The following LAMA2 variants were observed in gnomAD, a reference collection of about 807,000 sequenced individuals.
The protein encoded by LAMA2 is laminin subunit alpha-2.
In LAMA2, 269 loss-of-function variants were observed where a neutral mutation model predicts 364.8. That is an observed-to-expected ratio of 0.74 (90% CI 0.67 to 0.82). LAMA2 has a LOEUF of 0.82. LAMA2 is among the 40% of genes least tolerant of loss of function. LAMA2 has a pLI of 0.00. For synonymous variants in LAMA2, 1,379 were observed against 1,370.6 expected (o/e 1.01, Z -0.14); for missense variants, 3,807 against 3,873.2 (o/e 0.98, Z 0.45).
chr6:129,440,086 C>T (rs1782030728), intron 42 of LAMA2, among the ~76,000 whole-genome samples: 1 of 151,958 alleles, frequency 6.6e-6, no homozygotes, highest in Non-Finnish European at 1.5e-5. Context: ...ATACTGAAGG[C>T]CATTGTTAAA....
chr6:129,201,048 C>T (rs992383446), intron 12 of LAMA2, among the ~76,000 whole-genome samples: 5 of 152,106 alleles, frequency 3.3e-5, no homozygotes, highest in Admixed American at 3.3e-4. Flanking sequence ...TCCTTATCTA[C>T]CTTAAACAAC....
chr6:129,133,297 C>G (rs1462258417), intron 4 of LAMA2, among the ~76,000 whole-genome samples: 1 of 152,184 alleles, frequency 6.6e-6, no homozygotes, highest in Non-Finnish European at 1.5e-5. Flanking sequence ...CATGATTTTA[C>G]TTGAATGCGG....
chr6:129,407,338 A>G (rs547673923), intron 40 of LAMA2, among the ~76,000 whole-genome samples: 5 of 152,306 alleles, frequency 3.3e-5, no homozygotes, highest in East Asian at 1.9e-4. Context: ...CCAAATAAAG[A>G]CAATAATAAC....
chr6:129,301,333 G>A (rs1266392663), intron 22 of LAMA2, among the ~76,000 whole-genome samples: 3 of 152,054 alleles, frequency 2.0e-5, no homozygotes, highest in African/African-American at 7.2e-5. Context: ...TTTTCCCATT[G>A]GTAGACCATA....
At chr6:129,109,853 T>C (rs2114897667) in intron 4 of LAMA2, among the ~76,000 whole-genome samples, 1 of 152,220 alleles carries the variant, frequency 6.6e-6, no homozygotes, top group East Asian at 1.9e-4. Flanking sequence ...TAAAATTCTA[T>C]CTGAATTGAA....
Position 128,915,860 on chromosome 6 carries a change from A to G in LAMA2, c.112+32503A>G, listed in dbSNP as rs143764412. Reference sequence around the variant, plus strand: ...GTAGTGAAAACAACCGTGGGGGAATAATATAAGCTTAATCATTTGGTGATT... The same window carrying G: ...GTAGTGAAAACAACCGTGGGGGAATGATATAAGCTTAATCATTTGGTGATT... On this transcript the variant is annotated intron_variant, in intron 1 of 64. Transcript: ENST00000421865. 2.0e-5 allele frequency among the ~76,000 whole-genome samples: 3 copies of G among 152,216 alleles called. No individual in the cohort carries two copies. The South Asian group carries it at 6.2e-4, about 31-fold the overall frequency.
At chr6:129,342,662 TCCC>T (rs1776335144) in intron 30 of LAMA2, among the ~76,000 whole-genome samples, 195 bp downstream of exon 30, 5 of 152,072 alleles carry the variant, frequency 3.3e-5, no homozygotes, top group African/African-American at 1.2e-4. Context: ...TGAAACTCTG[TCCC>T]AAGTAAATAA....
At chr6:129,212,812 T>A (rs1441161116) in intron 12 of LAMA2, among the ~76,000 whole-genome samples, 4 of 152,204 alleles carry the variant, frequency 2.6e-5, no homozygotes, top group African/African-American at 4.8e-5. Flanking sequence ...TGGTCAGCTG[T>A]GGCTTTTAAT....
chr6:129,191,278 C>T (rs901198680), intron 11 of LAMA2, among the ~76,000 whole-genome samples: 1 of 152,192 alleles, frequency 6.6e-6, no homozygotes, highest in Non-Finnish European at 1.5e-5. Context: ...CAACTTTAAT[C>T]AGTGAACTAA....
chr6:129,382,971 G>A (rs1778778857), intron 34 of LAMA2, 151 bp from the exon 35 acceptor site: 3 of 691,494 alleles, frequency 4.3e-6, no homozygotes, highest in Admixed American at 2.1e-5. Context: ...ACGTGAGCAT[G>A]GGGCATCATT....
At chr6:129,273,499 T>A (rs265396) in intron 17 of LAMA2, among the ~76,000 whole-genome samples, 3 of 152,132 alleles carry the variant, frequency 2.0e-5, no homozygotes, top group Admixed American at 1.3e-4. Context: ...ATGCAAACCC[T>A]ATGGATTTAC....
intron 37 of LAMA2, among the ~76,000 whole-genome samples, chr6:129,394,607 T>C (rs892648551): frequency 7.9e-5 from 12 of 152,356 alleles, no homozygotes; most frequent in Middle Eastern, 3.4e-3. Flanking sequence ...GCCACTGTCC[T>C]GTCACAGGCT....
chr6:129,142,310 A>G (rs1364134291), intron 4 of LAMA2, among the ~76,000 whole-genome samples: 1 of 151,956 alleles, frequency 6.6e-6, no homozygotes, highest in Non-Finnish European at 1.5e-5. Context: ...GGGTGTCCGC[A>G]TGGTTATGCT....
intron 12 of LAMA2, among the ~76,000 whole-genome samples, chr6:129,244,898 G>A (rs571978650): frequency 1.3e-5 from 2 of 152,102 alleles, no homozygotes; most frequent in African/African-American, 2.4e-5. Flanking sequence ...GTGACATTAG[G>A]TTATATATTG....
intron 1 of LAMA2, among the ~76,000 whole-genome samples, chr6:128,908,007 C>G (rs1777617328): frequency 6.6e-6 from 1 of 151,886 alleles, no homozygotes; most frequent in Non-Finnish European, 1.5e-5. Context: ...GGTGGATAAG[C>G]TTTTTGATGT....
chr6:128,953,149 G>A (rs1780936592), intron 1 of LAMA2, among the ~76,000 whole-genome samples: 1 of 152,142 alleles, frequency 6.6e-6, no homozygotes, highest in Non-Finnish European at 1.5e-5. Context: ...CAGAGAAGTG[G>A]TATTGCCTGA....
At chr6:128,908,668 C>T (rs1777672626) in intron 1 of LAMA2, among the ~76,000 whole-genome samples, 1 of 133,202 alleles carries the variant, frequency 7.5e-6, no homozygotes, top group African/African-American at 3.0e-5. Context: ...TATTTCTTGC[C>T]TTCTGCTAGC....
At position 129,156,920 on chromosome 6, in the gene LAMA2, C is replaced by G. The variant is rs540656211; in HGVS notation, c.1206+2237C>G. ...GCACAAAACCACCGGCCACCAATAT[C>G]TTCCTGTGCATGCATATAAATTATT... On this transcript the variant is annotated intron_variant, in intron 8 of 64. Transcript: ENST00000421865. 2.0e-5 allele frequency among the ~76,000 whole-genome samples: 3 copies of G among 152,226 alleles called. 1 individual carries two copies. The East Asian group carries it at 5.8e-4, about 29-fold the overall frequency.
chr6:129,082,651 G>T (rs1774136357), intron 3 of LAMA2, among the ~76,000 whole-genome samples: 1 of 151,978 alleles, frequency 6.6e-6, no homozygotes, highest in African/African-American at 2.4e-5. Context: ...GTTTTCCTGA[G>T]AAAAATCTTA....
Sources: allele counts gnomAD v4.1 joint callset (sites outside exome capture counted in the v4.1 genomes callset), GRCh38; gene constraint gnomAD v4.1.1; transcripts MANE v1.5; gene names NCBI Gene and HGNC (gene_info 2026-07-23, HGNC 2026-07-21).